Variants in CDH9 observed in about 807,000 individuals in gnomAD.
The protein encoded by CDH9 is cadherin-9.
CDH9 carries 28 observed loss-of-function variants against 70.9 expected under a neutral mutation model. The observed-to-expected ratio is 0.40, with a 90% confidence interval of 0.29 to 0.54. The LOEUF (loss-of-function observed/expected upper bound fraction) is 0.54. Ranked by LOEUF, CDH9 falls within the 20% of genes least tolerant of loss-of-function variation. The pLI is 0.59. For missense variants in CDH9, 874 were observed against 984.4 expected, an observed-to-expected ratio of 0.89 and a Z score of 1.50; for synonymous variants, 409 against 343.1, an observed-to-expected ratio of 1.19 and a Z score of -2.12.
At chr5:26,986,306 C>T (rs1014665734) in intron 2 of CDH9, among the ~76,000 whole-genome samples, 1 of 151,688 alleles carries the variant, frequency 6.6e-6, no homozygotes, top group Admixed American at 6.6e-5. Context: ...CTTGTCCACG[C>T]ATAAATCCAA....
intron 1 of CDH9, among the ~76,000 whole-genome samples, chr5:27,002,736 C>A (rs905738269): frequency 6.6e-5 from 10 of 151,666 alleles, no homozygotes; most frequent in Non-Finnish European, 1.3e-4. Context: ...CACTTGGACA[C>A]AGGAAGGTGA....
intron 2 of CDH9, among the ~76,000 whole-genome samples, chr5:26,949,032 T>A (rs1018853767): frequency 6.6e-6 from 1 of 152,216 alleles, no homozygotes; most frequent in Non-Finnish European, 1.5e-5. Flanking sequence ...AAATTGTGTA[T>A]ACTTAAAGAA....
chr5:26,957,626 C>T (rs1741968632), intron 2 of CDH9, among the ~76,000 whole-genome samples: 1 of 151,936 alleles, frequency 6.6e-6, no homozygotes. Context: ...CATGCCACTG[C>T]ACTCCAGCCT....
intron 11 of CDH9, among the ~76,000 whole-genome samples, chr5:26,883,041 TTATATATATATATATA>T (rs59145200): frequency 0.013 from 727 of 58,024 alleles, 66 homozygotes; most frequent in East Asian, 0.027. Context: ...CAGGATCATC[TTATATATATATATATA>T]TATATATATA....
rs188046068 is a variant in CDH9 at position 27,015,568 on chromosome 5, A to G, written c.-50+22895T>C. Among the ~76,000 whole-genome samples, 3 of 151,818 alleles carry G rather than the reference A, an allele frequency of 2.0e-5. No homozygotes were observed. In the East Asian group the frequency reaches 5.8e-4, roughly 29 times the overall value. ...TACCAAAATATATTTATCAAAGCCA[A>G]TAAAAAGTATCCTCAAATGTTTTCC... On this transcript the variant is annotated intron_variant, in intron 1 of 11. Transcript: ENST00000231021.
intron 2 of CDH9, among the ~76,000 whole-genome samples, chr5:26,947,082 T>C (rs540648044): frequency 2.0e-5 from 3 of 152,170 alleles, no homozygotes; most frequent in Non-Finnish European, 4.4e-5. Context: ...TTTACTTTTT[T>C]CACAGGAGTG....
intron 2 of CDH9, among the ~76,000 whole-genome samples, chr5:26,972,537 C>A (rs1742237349): frequency 6.6e-6 from 1 of 152,138 alleles, no homozygotes; most frequent in Admixed American, 6.5e-5. Context: ...CCAAAAAAGT[C>A]AGCCCTCCCT....
chr5:26,961,884 T>C (rs1742042876), intron 2 of CDH9, among the ~76,000 whole-genome samples: 1 of 152,114 alleles, frequency 6.6e-6, no homozygotes, highest in Non-Finnish European at 1.5e-5. Flanking sequence ...CGTGCAGGTT[T>C]CTTACATAGG....
intron 1 of CDH9, among the ~76,000 whole-genome samples, chr5:27,004,638 C>A (rs1742827716): frequency 6.6e-6 from 1 of 151,988 alleles, no homozygotes; most frequent in Non-Finnish European, 1.5e-5. Context: ...TAAGGCTTTG[C>A]CTTGAACAAC....
At chr5:26,988,842 C>G (rs981385135) in intron 1 of CDH9, among the ~76,000 whole-genome samples, 3 of 151,708 alleles carry the variant, frequency 2.0e-5, no homozygotes, top group East Asian at 2.0e-4. Flanking sequence ...CTCCTCTGCC[C>G]CCTATCTTCC....
chr5:26,923,521 CA>C, intron 2 of CDH9, among the ~76,000 whole-genome samples: 1 of 151,900 alleles, frequency 6.6e-6, no homozygotes, highest in African/African-American at 2.4e-5. Context: ...ATCATCTAGA[CA>C]AAAAAATCAA....
rs913410098 is a variant in CDH9, at chr5:26,901,885, A to C, written c.1253+591T>G. ...TACCTTTCTTATTCACTTAAATGTC[A>C]TATCTTTAGTAATACTCTGTTATGA... On this transcript the variant is annotated intron_variant, in intron 7 of 11. Transcript: ENST00000231021. 3.3e-5 allele frequency among the ~76,000 whole-genome samples: 5 copies of C among 151,956 alleles called. No homozygotes were observed. In the South Asian group the frequency reaches 1.0e-3, roughly 31 times the overall value.
intron 2 of CDH9, among the ~76,000 whole-genome samples, chr5:26,976,225 T>A (rs1157464505): frequency 1.3e-5 from 2 of 152,192 alleles, no homozygotes; most frequent in Non-Finnish European, 2.9e-5. Flanking sequence ...AAACCTGAAC[T>A]ATTTCTACCT....
chr5:26,998,961 A>G (rs1310719921), intron 1 of CDH9, among the ~76,000 whole-genome samples: 3 of 152,124 alleles, frequency 2.0e-5, no homozygotes, highest in African/African-American at 4.8e-5. Context: ...AAAAACGCAC[A>G]TGAGGCCGGG....
At chr5:26,892,715 T>G (rs116739114) in intron 7 of CDH9, among the ~76,000 whole-genome samples, 1,550 of 151,920 alleles carry the variant, frequency 0.01, 12 homozygotes, top group African/African-American at 0.029. Context: ...CTGGCATTTT[T>G]TTGTTGTTGT....
At chr5:26,903,868 A>C (rs1012957386) in intron 5 of CDH9, 44 bp from the exon 6 acceptor site, 1 of 1,077,232 alleles carries the variant, frequency 9.3e-7, no homozygotes, top group East Asian at 2.6e-5. Context: ...ATCTTTATAT[A>C]ACATTTTTTC....
intron 2 of CDH9, among the ~76,000 whole-genome samples, chr5:26,964,948 T>C (rs1010261126): frequency 2.0e-5 from 3 of 152,146 alleles, no homozygotes; most frequent in Non-Finnish European, 4.4e-5. Flanking sequence ...CTGTTATACT[T>C]AAGCATCTGG....
intron 1 of CDH9, among the ~76,000 whole-genome samples, chr5:27,008,466 G>A (rs113872615): frequency 0.022 from 3,338 of 149,214 alleles, 114 homozygotes; most frequent in African/African-American, 0.08. Flanking sequence ...CTCCAGCCTG[G>A]GCAACGGAGT....
chr5:26,884,764 C>T (rs1740531457), intron 11 of CDH9, among the ~76,000 whole-genome samples: 1 of 152,130 alleles, frequency 6.6e-6, no homozygotes, highest in Non-Finnish European at 1.5e-5. Context: ...GGCTAGCTCT[C>T]CTGCCCTAAG....
Sources: gnomAD v4.1 joint callset for allele counts (sites outside exome capture counted in the v4.1 genomes callset) on GRCh38, gnomAD v4.1.1 for gene constraint, MANE v1.5 for transcripts, NCBI Gene and HGNC (gene_info 2026-07-23, HGNC 2026-07-21) for gene names.